LRFN5: variants seen among roughly 807,000 people sequenced by gnomAD.
LRFN5 encodes leucine-rich repeat and fibronectin type-III domain-containing protein 5.
Under a neutral mutation model 45.6 loss-of-function variants are expected in LRFN5, and 24 were observed. The observed-to-expected ratio is 0.53, with a 90% CI of 0.38 to 0.74. The LOEUF is 0.74. LRFN5 is among the 30% of genes least tolerant of loss of function. LRFN5 has a pLI of 0.00. For missense variants in LRFN5, 776 were observed against 861.5 expected, an observed-to-expected ratio of 0.90 and a Z score of 1.24; for synonymous variants, 340 against 313.8, an observed-to-expected ratio of 1.08 and a Z score of -0.88.
At chr14:41,841,767 T>C (rs1236900514) in intron 2 of LRFN5, among the ~76,000 whole-genome samples, 1 of 151,964 alleles carries the variant, frequency 6.6e-6, no homozygotes, top group Non-Finnish European at 1.5e-5. Context: ...CATGCTGGAA[T>C]AATCTCATAT....
intron 1 of LRFN5, among the ~76,000 whole-genome samples, chr14:41,722,633 T>C (rs1883773694): frequency 6.6e-6 from 1 of 152,036 alleles, no homozygotes; most frequent in East Asian, 1.9e-4. Context: ...GTAAAGAATG[T>C]TGGGAAGAGT....
intron 2 of LRFN5, among the ~76,000 whole-genome samples, chr14:41,808,579 AAGGAAGG>A (rs1887626122): frequency 7.0e-6 from 1 of 142,432 alleles, no homozygotes; most frequent in African/African-American, 2.8e-5. Context: ...GGAAGGAAGG[AAGGAAGG>A]AAGGAAGGAA....
At chr14:41,806,387 T>C (rs1887526300) in intron 2 of LRFN5, among the ~76,000 whole-genome samples, 1 of 152,124 alleles carries the variant, frequency 6.6e-6, no homozygotes, top group Non-Finnish European at 1.5e-5. Context: ...AAGTGAAAAA[T>C]GTACTAGATG....
intron 2 of LRFN5, among the ~76,000 whole-genome samples, chr14:41,837,588 A>G (rs928821182): frequency 6.6e-6 from 1 of 152,214 alleles, no homozygotes; most frequent in East Asian, 1.9e-4. Context: ...AAATTTACAT[A>G]AAGTAGTAAA....
intron 2 of LRFN5, among the ~76,000 whole-genome samples, chr14:41,848,063 A>G (rs116464265): frequency 0.014 from 2,097 of 152,264 alleles, 45 homozygotes; most frequent in African/African-American, 0.047. Context: ...TTTCTTTTAT[A>G]TAAATGACTG....
At chr14:41,644,166 A>C (rs2138604347) in intron 1 of LRFN5, among the ~76,000 whole-genome samples, 1 of 152,300 alleles carries the variant, frequency 6.6e-6, no homozygotes, top group Non-Finnish European at 1.5e-5. Flanking sequence ...TAAAGTTAAT[A>C]GATGCCTTGA....
At chr14:41,649,569 C>A (rs188427389) in intron 1 of LRFN5, among the ~76,000 whole-genome samples, 80 of 152,184 alleles carry the variant, frequency 5.3e-4, no homozygotes, top group Non-Finnish European at 1.1e-3. Context: ...ATTATAAAAT[C>A]CAGTTTTAGC....
chr14:41,787,820 G>A (rs1322945741), intron 2 of LRFN5, among the ~76,000 whole-genome samples: 3 of 151,044 alleles, frequency 2.0e-5, no homozygotes, highest in Non-Finnish European at 3.0e-5. Context: ...TAATGTTTGT[G>A]TCTCCTCCAA....
chr14:41,856,679 T>TATTATTATTTTTTTA (rs1566486513), intron 2 of LRFN5, among the ~76,000 whole-genome samples: 1 of 60,098 alleles, frequency 1.7e-5, no homozygotes, highest in African/African-American at 5.7e-5. Context: ...ATTATTATTT[T>TATTATTATTTTTTTA]TTTTTTTTTT....
At chr14:41,733,840 A>T (rs568311838) in intron 1 of LRFN5, among the ~76,000 whole-genome samples, 1 of 151,378 alleles carries the variant, frequency 6.6e-6, no homozygotes, top group East Asian at 1.9e-4. Context: ...TGATTTATGA[A>T]CAATGGTTCC....
chr14:41,856,675 A>ATTATTATTATTATTATTTTTTTTTTT, intron 2 of LRFN5, among the ~76,000 whole-genome samples: 4 of 18,334 alleles, frequency 2.2e-4, no homozygotes, highest in East Asian at 1.3e-3. Flanking sequence ...TATTATTATT[A>ATTATTATTATTATTATTTTTTTTTTT]TTTTTTTTTT....
chr14:41,608,467 C>T lies in LRFN5; in HGVS notation c.-292C>T, dbSNP rs1263568258. 1 of 152,834 alleles carries T rather than the reference C, an allele frequency of 6.5e-6. No individual in the cohort carries two copies. The highest frequency in any genetic ancestry group is 6.5e-5 in the Admixed American group (1 of 15,302). The allele number at this position is 152,834 out of a possible 1,614,324, so 9.5% of individuals were successfully genotyped here. Reference sequence around the variant, plus strand: ...GCAGCGAAGTGACGAGCGAGACCCGCGTACGACTGTGAAAGCCACCTGGAG... The same window carrying T: ...GCAGCGAAGTGACGAGCGAGACCCGTGTACGACTGTGAAAGCCACCTGGAG... On this transcript the variant is annotated 5_prime_UTR_variant, in exon 1 of 6. Transcript: ENST00000298119.
intron 2 of LRFN5, among the ~76,000 whole-genome samples, chr14:41,823,788 TTC>T (rs1384427654): frequency 6.6e-6 from 1 of 152,178 alleles, no homozygotes; most frequent in Non-Finnish European, 1.5e-5. Context: ...CTTTTTCTTC[TTC>T]TCTCTCAGAA....
At chr14:41,639,845 C>T (rs1200532275) in intron 1 of LRFN5, among the ~76,000 whole-genome samples, 4 of 151,556 alleles carry the variant, frequency 2.6e-5, no homozygotes, top group African/African-American at 9.7e-5. Flanking sequence ...TGCAGTAATG[C>T]AATCATAGTT....
chr14:41,656,956 T>G (rs1880408177), intron 1 of LRFN5, among the ~76,000 whole-genome samples: 1 of 152,048 alleles, frequency 6.6e-6, no homozygotes, highest in South Asian at 2.1e-4. Flanking sequence ...GTTCTCCACG[T>G]GGATTCGTTT....
At chr14:41,674,694 C>CG (rs544959253) in intron 1 of LRFN5, among the ~76,000 whole-genome samples, 102 of 150,696 alleles carry the variant, frequency 6.8e-4, no homozygotes, top group African/African-American at 2.0e-3. Context: ...GCTGGCTGGG[C>CG]GGGGGGCTGA....
intron 1 of LRFN5, among the ~76,000 whole-genome samples, chr14:41,613,054 G>A (rs529315789): frequency 6.6e-6 from 1 of 152,030 alleles, no homozygotes; most frequent in South Asian, 2.1e-4. Flanking sequence ...AATTACAATG[G>A]AATTACATGG....
intron 2 of LRFN5, among the ~76,000 whole-genome samples, chr14:41,819,273 G>A (rs1017370549): frequency 6.6e-6 from 1 of 152,068 alleles, no homozygotes. Flanking sequence ...TCAAATGGTA[G>A]TTCCATTTTT....
At chr14:41,787,886 C>T (rs1023388422) in intron 2 of LRFN5, among the ~76,000 whole-genome samples, 1 of 151,930 alleles carries the variant, frequency 6.6e-6, no homozygotes, top group Non-Finnish European at 1.5e-5. Flanking sequence ...TTGTGCCTTT[C>T]GGGAGGTAAT....
Sources: allele counts gnomAD v4.1 joint callset (sites outside exome capture counted in the v4.1 genomes callset), GRCh38; gene constraint gnomAD v4.1.1; transcripts MANE v1.5; gene names NCBI Gene and HGNC (gene_info 2026-07-23, HGNC 2026-07-21).